NOX4: variants seen among roughly 807,000 people sequenced by gnomAD.
The protein encoded by NOX4 is kidney oxidase-1.
NOX4 carries 69 observed loss-of-function variants against 87.6 expected under a neutral mutation model. The ratio of observed to expected loss-of-function variants is 0.79; its 90% CI spans 0.65 to 0.96. NOX4 has a LOEUF of 0.96. NOX4 is among the 40% of genes least tolerant of loss of function. The pLI, the probability that NOX4 is intolerant of heterozygous loss-of-function variation, is 0.00. For synonymous variants in NOX4, 275 were observed against 238.2 expected, an observed-to-expected ratio of 1.15 and a Z score of -1.42; for missense variants, 680 against 681.5, an observed-to-expected ratio of 1.00 and a Z score of 0.02.
intron 11 of NOX4, among the ~76,000 whole-genome samples, chr11:89,396,129 T>A (rs1941466238): frequency 6.6e-6 from 1 of 152,158 alleles, no homozygotes; most frequent in Non-Finnish European, 1.5e-5. Context: ...ATTCTTCCTG[T>A]CCATGAGCAT....
the NOX4 span, among the ~76,000 whole-genome samples, chr11:89,525,951 A>G: frequency 6.6e-6 from 1 of 152,068 alleles, no homozygotes; most frequent in African/African-American, 2.4e-5. Context: ...TTTTATATAA[A>G]TATTTGTTGA....
the NOX4 span, among the ~76,000 whole-genome samples, chr11:89,563,716 C>T: frequency 6.6e-6 from 1 of 151,920 alleles, no homozygotes; most frequent in Non-Finnish European, 1.5e-5. Flanking sequence ...TTTAATTTTC[C>T]TCTGATTATT....
chr11:89,518,502 A>G, the NOX4 span, among the ~76,000 whole-genome samples: 1 of 152,108 alleles, frequency 6.6e-6, no homozygotes, highest in African/African-American at 2.4e-5. Flanking sequence ...AGTAATTCCT[A>G]TTTTTAAAAA....
At chr11:89,346,002 C>G (rs1246381959) in intron 13 of NOX4, among the ~76,000 whole-genome samples, 1 of 152,150 alleles carries the variant, frequency 6.6e-6, no homozygotes, top group Non-Finnish European at 1.5e-5. Flanking sequence ...CAAAGTCATA[C>G]TATCTCTCTT....
chr11:89,543,835 G>T, the NOX4 span, among the ~76,000 whole-genome samples: 2 of 152,006 alleles, frequency 1.3e-5, no homozygotes, highest in East Asian at 3.8e-4. Flanking sequence ...AATAGATATT[G>T]TCTGAATTTG....
chr11:89,353,903 T>C (rs573282928), intron 13 of NOX4, among the ~76,000 whole-genome samples: 1 of 152,312 alleles, frequency 6.6e-6, no homozygotes, highest in South Asian at 2.1e-4. Flanking sequence ...TAGGCACATG[T>C]ATGTCTTTGT....
chr11:89,338,249 T>A (rs755780603), intron 15 of NOX4, among the ~76,000 whole-genome samples: 5 of 152,106 alleles, frequency 3.3e-5, no homozygotes, highest in Non-Finnish European at 7.4e-5. Flanking sequence ...GCATAATATA[T>A]TTTTGCTTTC....
chr11:89,411,304 T>G (rs1454389832), intron 8 of NOX4, among the ~76,000 whole-genome samples: 1 of 152,184 alleles, frequency 6.6e-6, no homozygotes, highest in East Asian at 1.9e-4. Flanking sequence ...AATTCCCAAC[T>G]GTGGTTGTTA....
chr11:89,428,357 C>T (rs1276584024), intron 7 of NOX4, among the ~76,000 whole-genome samples: 1 of 152,134 alleles, frequency 6.6e-6, no homozygotes, highest in East Asian at 1.9e-4. Context: ...GGATCAAATT[C>T]ACACATAACA....
the NOX4 span, among the ~76,000 whole-genome samples, chr11:89,531,678 C>T: frequency 6.6e-6 from 1 of 152,350 alleles, no homozygotes; most frequent in Admixed American, 6.5e-5. Context: ...CCCGCTCACT[C>T]TCTCTACTGT....
chr11:89,384,716 A>G (rs1940559963), intron 11 of NOX4, among the ~76,000 whole-genome samples: 1 of 151,902 alleles, frequency 6.6e-6, no homozygotes. Flanking sequence ...CATCCCAACC[A>G]TTTTTCATTA....
chr11:89,338,717 A>G (rs1293679603), intron 15 of NOX4, among the ~76,000 whole-genome samples: 1 of 152,120 alleles, frequency 6.6e-6, no homozygotes, highest in Admixed American at 6.6e-5. Context: ...GCCCTTGCCT[A>G]TGAAGTTAGG....
chr11:89,400,085 A>C lies in NOX4; in HGVS notation c.1012-6T>G. ...GGACAATGTAGAGTAATATACTAAA[A>C]AGCAACAAACAGATAAGTTTTAAAT... On this transcript the variant is annotated splice_region_variant and splice_polypyrimidine_tract_variant and intron_variant, in intron 10 of 17. Coordinates refer to ENST00000263317, the MANE Select transcript of NOX4 (RefSeq NM_016931.5). The C allele has an allele frequency of 6.2e-7, 1 of 1,601,554 alleles. No individual in the cohort carries two copies.
intron 6 of NOX4, among the ~76,000 whole-genome samples, chr11:89,439,941 G>T (rs938217017): frequency 6.6e-6 from 1 of 152,044 alleles, no homozygotes; most frequent in Non-Finnish European, 1.5e-5. Flanking sequence ...AAAAAAAGTT[G>T]CACTAAATTA....
chr11:89,370,753 A>G (rs1318961769), intron 12 of NOX4, among the ~76,000 whole-genome samples: 2 of 152,018 alleles, frequency 1.3e-5, no homozygotes, highest in Non-Finnish European at 2.9e-5. Flanking sequence ...TATCTAGGAG[A>G]TGCAATTAGA....
chr11:89,398,450 T>C (rs1459230450), intron 11 of NOX4, among the ~76,000 whole-genome samples: 2 of 151,948 alleles, frequency 1.3e-5, no homozygotes, highest in South Asian at 2.1e-4. Flanking sequence ...CACCATAGTG[T>C]TGGAAGTTCT....
intron 4 of NOX4, among the ~76,000 whole-genome samples, chr11:89,445,634 A>G (rs1178405170): frequency 6.6e-6 from 1 of 152,176 alleles, no homozygotes; most frequent in Non-Finnish European, 1.5e-5. Context: ...CGTTTGTCAC[A>G]AATGGACCTG....
the NOX4 span, among the ~76,000 whole-genome samples, chr11:89,542,250 TTGTC>T: frequency 6.6e-6 from 1 of 152,238 alleles, no homozygotes. Context: ...TTCCTAATTA[TTGTC>T]TAAGAATGAT....
At chr11:89,459,354 A>G (rs1297061646) in intron 2 of NOX4, among the ~76,000 whole-genome samples, 2 of 152,110 alleles carry the variant, frequency 1.3e-5, no homozygotes, top group East Asian at 3.9e-4. Flanking sequence ...TATGCTTATT[A>G]CTTGGGTGAA....
Sources: gnomAD v4.1 joint callset for allele counts (sites outside exome capture counted in the v4.1 genomes callset) on GRCh38, gnomAD v4.1.1 for gene constraint, MANE v1.5 for transcripts, NCBI Gene and HGNC (gene_info 2026-07-23, HGNC 2026-07-21) for gene names.